The following ZFAND3 variants were observed in gnomAD, a reference collection of about 807,000 sequenced individuals.
ZFAND3 encodes AN1-type zinc finger protein 3.
ZFAND3 carries 10 observed loss-of-function variants against 29.6 expected under a neutral mutation model. The observed-to-expected ratio is 0.34, with a 90% confidence interval of 0.21 to 0.57. ZFAND3 has a LOEUF of 0.57. Ranked by LOEUF, ZFAND3 falls within the 20% of genes least tolerant of loss-of-function variation. The pLI is 0.86. For missense variants in ZFAND3, 230 were observed against 304.5 expected, an observed-to-expected ratio of 0.76 and a Z score of 1.82; for synonymous variants, 128 against 112.6, an observed-to-expected ratio of 1.14 and a Z score of -0.87.
At chr6:37,950,849 TG>T (rs1186620238) in intron 2 of ZFAND3, among the ~76,000 whole-genome samples, 1 of 152,222 alleles carries the variant, frequency 6.6e-6, no homozygotes, top group Non-Finnish European at 1.5e-5. Flanking sequence ...TTGGTTATTC[TG>T]GCTCTTTTTT....
intron 2 of ZFAND3, among the ~76,000 whole-genome samples, chr6:38,060,922 T>G (rs1237989399): frequency 6.6e-6 from 1 of 152,196 alleles, no homozygotes; most frequent in Non-Finnish European, 1.5e-5. Flanking sequence ...CATATATGAT[T>G]TTTGCATCCC....
chr6:37,912,990 T>C (rs1765550104), intron 1 of ZFAND3, among the ~76,000 whole-genome samples: 1 of 152,210 alleles, frequency 6.6e-6, no homozygotes. Context: ...ATAATAGCAT[T>C]ATGTCTAAAA....
At chr6:38,034,509 G>GAGC (rs754461291) in intron 2 of ZFAND3, among the ~76,000 whole-genome samples, 15 of 152,152 alleles carry the variant, frequency 9.9e-5, no homozygotes, top group Non-Finnish European at 1.9e-4. Flanking sequence ...CCAGCAGAGG[G>GAGC]AGCACATCAT....
At chr6:38,142,167 CCA>C in intron 5 of ZFAND3, 1 of 471,002 alleles carries the variant, frequency 2.1e-6, no homozygotes, top group Non-Finnish European at 4.4e-6. Context: ...TCTCCCTACC[CCA>C]GTTTCTCATC....
chr6:37,847,570 A>G (rs1366318432), intron 1 of ZFAND3, among the ~76,000 whole-genome samples: 1 of 152,134 alleles, frequency 6.6e-6, no homozygotes, highest in East Asian at 1.9e-4. Context: ...GAGACTCTGC[A>G]GAATATTAGA....
In ZFAND3 at chr6:38,042,947, G is replaced by A. The variant is rs552412270; in HGVS notation, c.113-18646G>A. ...CTCCTGCCAAGGATGCCCAGGACAG[G>A]TTGATATCTTCCCTTCTGTGCCTCA... is the stretch of plus-strand genomic sequence containing the variant. On this transcript the variant is annotated intron_variant, in intron 2 of 5. Transcript: ENST00000287218. Among the ~76,000 whole-genome samples the A allele has an allele frequency of 4.6e-5, 7 of 152,126 alleles. No homozygotes were observed. In the South Asian group the frequency reaches 1.5e-3, roughly 32 times the overall value.
chr6:37,869,483 T>C (rs1438543074), intron 1 of ZFAND3, among the ~76,000 whole-genome samples: 19 of 152,032 alleles, frequency 1.2e-4, no homozygotes, highest in Non-Finnish European at 2.8e-4. Flanking sequence ...ATTCATGATA[T>C]TGGTTAATCT....
intron 5 of ZFAND3, among the ~76,000 whole-genome samples, chr6:38,136,882 T>C (rs1355088555): frequency 6.6e-6 from 1 of 152,228 alleles, no homozygotes; most frequent in Admixed American, 6.5e-5. Context: ...TGTTCTAGAT[T>C]CACCCAGGAA....
intron 4 of ZFAND3, among the ~76,000 whole-genome samples, chr6:38,111,613 G>T (rs979838324): frequency 2.0e-5 from 3 of 152,140 alleles, no homozygotes; most frequent in Non-Finnish European, 4.4e-5. Context: ...TTAAGGAAGA[G>T]AAATTGTGTT....
intron 2 of ZFAND3, among the ~76,000 whole-genome samples, chr6:38,027,282 A>G (rs1437653680): frequency 1.3e-5 from 2 of 152,226 alleles, no homozygotes; most frequent in Admixed American, 6.5e-5. Flanking sequence ...TGCCTTTTAA[A>G]TGCCTTATTG....
intron 5 of ZFAND3, among the ~76,000 whole-genome samples, chr6:38,147,938 G>T (rs1766143688): frequency 6.6e-6 from 1 of 151,716 alleles, no homozygotes; most frequent in African/African-American, 2.4e-5. Context: ...TATTTCCTTT[G>T]CTGTGCAGAA....
intron 2 of ZFAND3, among the ~76,000 whole-genome samples, chr6:38,017,455 G>C (rs939312697): frequency 6.6e-6 from 1 of 152,192 alleles, no homozygotes; most frequent in South Asian, 2.1e-4. Context: ...AGGTATCTCA[G>C]TGTTTTTAAA....
chr6:37,869,152 G>A (rs547587521), intron 1 of ZFAND3, among the ~76,000 whole-genome samples: 4 of 152,136 alleles, frequency 2.6e-5, no homozygotes, highest in Admixed American at 2.0e-4. Context: ...GGTCTGTAGT[G>A]ATTTTGTCTT....
At chr6:37,854,998 T>G (rs1764354213) in intron 1 of ZFAND3, among the ~76,000 whole-genome samples, 1 of 148,154 alleles carries the variant, frequency 6.7e-6, no homozygotes, top group South Asian at 2.2e-4. Flanking sequence ...GTGAGGCATT[T>G]GGGATCTTGC....
rs1458971016 is a variant in ZFAND3, at chr6:37,910,492, TA to T, written c.72-19464del. ...TAAGACTTTTTAAATCTTGCAAATA[TA>T]AATTGTGTATGTTTATGGTGTACAG... On this transcript the variant is annotated intron_variant, in intron 1 of 5. Coordinates refer to ENST00000287218, the MANE Select transcript of ZFAND3 (RefSeq NM_021943.3). Among the ~76,000 whole-genome samples the T allele has an allele frequency of 9.2e-5, 14 of 152,314 alleles. No homozygotes were observed. The South Asian group carries it at 1.2e-3, about 14-fold the overall frequency.
chr6:37,892,932 C>T (rs1042041283), intron 1 of ZFAND3, among the ~76,000 whole-genome samples: 2 of 152,122 alleles, frequency 1.3e-5, no homozygotes, highest in Admixed American at 6.5e-5. Flanking sequence ...AGGCCTGTAA[C>T]AAGTGCAGAG....
At chr6:37,828,238 T>A (rs1274700984) in intron 1 of ZFAND3, among the ~76,000 whole-genome samples, 1 of 152,392 alleles carries the variant, frequency 6.6e-6, no homozygotes, top group Admixed American at 6.5e-5. Flanking sequence ...TTTATTCATT[T>A]ATTTTTTACA....
At chr6:37,986,251 T>C (rs1269567285) in intron 2 of ZFAND3, among the ~76,000 whole-genome samples, 3 of 152,224 alleles carry the variant, frequency 2.0e-5, no homozygotes, top group Non-Finnish European at 2.9e-5. Context: ...CAGTCTAAAC[T>C]ACTGCCTGTT....
rs35865620 is a variant in ZFAND3 at position 37,834,854 on chromosome 6, CAAA to C, written c.71+14847_71+14849del. Reference sequence around the variant, plus strand: ...TATATGTGTGTATGCATGTATGTTTCAAAAAAAAAAACTAGATACTACCAGTTT... The same window carrying C: ...TATATGTGTGTATGCATGTATGTTTCAAAAAAAACTAGATACTACCAGTTT... On this transcript the variant is annotated intron_variant, in intron 1 of 5. Transcript: ENST00000287218. Among the ~76,000 whole-genome samples, 11 of 142,032 alleles carry C rather than the reference CAAA, an allele frequency of 7.7e-5. 1 individual carries two copies. Among genetic ancestry groups the C allele is most frequent in the African/African-American group, 2.8e-4 (10 of 36,108 alleles). The allele number at this position is 142,032 out of a possible 152,430, so 93.2% of individuals were successfully genotyped here.
Sources: gnomAD v4.1 joint callset for allele counts (sites outside exome capture counted in the v4.1 genomes callset) on GRCh38, gnomAD v4.1.1 for gene constraint, MANE v1.5 for transcripts, NCBI Gene and HGNC (gene_info 2026-07-23, HGNC 2026-07-21) for gene names.